ADCY7: variants seen among roughly 807,000 people sequenced by gnomAD.
ADCY7 encodes the protein adenylate cyclase type 7.
ADCY7 carries 72 observed loss-of-function variants against 120.6 expected under a neutral mutation model. The observed-to-expected ratio is 0.60, with a 90% CI of 0.49 to 0.73. The LOEUF is 0.73. Among genes scored for constraint, ADCY7 ranks in the 30% least tolerant of loss-of-function variants. The pLI is 0.00. For missense variants in ADCY7, 1,227 were observed against 1,486.0 expected (o/e 0.83, Z 2.87); for synonymous variants, 661 against 628.0 (o/e 1.05, Z -0.78).
chr16:50,294,777 A>G, intron 7 of ADCY7, 26 bp downstream of exon 7: 1 of 1,543,734 alleles, frequency 6.5e-7, no homozygotes, highest in East Asian at 2.3e-5. Context: ...TACAATGGGC[A>G]AAGCCAGGCC....
chr16:50,308,584 G>C, intron 16 of ADCY7, 83 bp from the exon 17 acceptor site: 3 of 1,557,788 alleles, frequency 1.9e-6, no homozygotes, highest in Non-Finnish European at 2.6e-6. Context: ...TTCTCCCGAG[G>C]ATACCCCTCC....
intron 10 of ADCY7, among the ~76,000 whole-genome samples, chr16:50,302,638 C>A (rs539199514): frequency 8.2e-6 from 1 of 121,366 alleles, no homozygotes; most frequent in Non-Finnish European, 1.6e-5. Flanking sequence ...GTGTGAAGGG[C>A]GTGTTGTAGA....
intron 24 of ADCY7, chr16:50,314,639 T>C: frequency 3.8e-6 from 2 of 527,498 alleles, no homozygotes; most frequent in African/African-American, 1.9e-5. Flanking sequence ...CCAAAATTAT[T>C]GTCTGTAAAC....
In ADCY7 at chr16:50,310,635, CGA is replaced by C. The variant is rs1491528065; in HGVS notation, c.2161-48_2161-47del. The stretch of plus-strand genomic sequence containing the variant: ...TCTGTGGTATGTGCTGGGCTGGAGG[CGA>C]GAGTACGTGGTGGGGTGGCCCTGTC... On this transcript the variant is annotated intron_variant, in intron 18 of 25. Coordinates refer to ENST00000673801, the MANE Select transcript of ADCY7 (RefSeq NM_001114.5). 4.4e-6 allele frequency: 7 copies of C among 1,604,452 alleles called. No homozygotes were observed. In the South Asian group the frequency reaches 5.6e-5, roughly 13 times the overall value.
chr16:50,303,638 G>C (rs917960114), intron 10 of ADCY7, among the ~76,000 whole-genome samples: 3 of 152,182 alleles, frequency 2.0e-5, no homozygotes, highest in Non-Finnish European at 2.9e-5. Context: ...TGGCATGAGT[G>C]GGGGCGGGTA....
chr16:50,305,055 G>T (rs2035971078), intron 12 of ADCY7, 96 bp downstream of exon 12: 4 of 1,494,452 alleles, frequency 2.7e-6, no homozygotes, highest in South Asian at 1.1e-5. Context: ...GCTCCGCAAG[G>T]CCCAGCCCAG....
intron 24 of ADCY7, 65 bp downstream of exon 24, chr16:50,314,471 T>A (rs2036679840): frequency 1.7e-6 from 2 of 1,211,596 alleles, no homozygotes; most frequent in Non-Finnish European, 2.4e-6. Context: ...CCAGTCTGTG[T>A]GGCACAGCTG....
chr16:50,315,532 C>G lies in ADCY7; in HGVS notation c.*27C>G, dbSNP rs769042923. ...GGCTCCTGCTGGATTCCGAAAAGGC[C>G]GGGAAGCCAGTCTCCTTCCCTGAAG... is the stretch of plus-strand genomic sequence containing the variant. On this transcript the variant is annotated 3_prime_UTR_variant, in exon 26 of 26. Coordinates refer to ENST00000673801, the MANE Select transcript of ADCY7 (RefSeq NM_001114.5). 6.3e-7 allele frequency: 1 copy of G among 1,595,400 alleles called. No individual in the cohort carries two copies. The highest frequency in any genetic ancestry group is 8.6e-7 in the Non-Finnish European group (1 of 1,164,542).
intron 1 of ADCY7, among the ~76,000 whole-genome samples, chr16:50,276,157 G>A (rs933909482): frequency 1.3e-5 from 2 of 152,218 alleles, no homozygotes; most frequent in Non-Finnish European, 2.9e-5. Flanking sequence ...GGTTGGGTGG[G>A]ACGGCTGCTC....
intron 1 of ADCY7, among the ~76,000 whole-genome samples, chr16:50,257,682 C>G (rs2032953727): frequency 6.6e-6 from 1 of 151,318 alleles, no homozygotes; most frequent in African/African-American, 2.4e-5. Flanking sequence ...ATTCGGTGTT[C>G]AAACTTCCAA....
At chr16:50,291,334 G>C (rs1048585872) in intron 3 of ADCY7, among the ~76,000 whole-genome samples, 18 of 151,386 alleles carry the variant, frequency 1.2e-4, no homozygotes, top group African/African-American at 3.9e-4. Context: ...TGGGGATGGT[G>C]GGGCAGCTCT....
At chr16:50,254,119 G>A (rs375781663) in intron 1 of ADCY7, among the ~76,000 whole-genome samples, 9 of 152,284 alleles carry the variant, frequency 5.9e-5, no homozygotes, top group South Asian at 2.1e-4. Flanking sequence ...CGACCCCTTC[G>A]CTGTGTGAGA....
upstream of ADCY7, among the ~76,000 whole-genome samples, chr16:50,263,559 C>A (rs1319290516): frequency 6.6e-6 from 1 of 152,124 alleles, no homozygotes; most frequent in African/African-American, 2.4e-5. Flanking sequence ...GCTGTATGGC[C>A]AGTTTATCTT....
Position 50,294,646 on chromosome 16 carries a change from C to T in ADCY7, c.843C>T (p.Leu281=), listed in dbSNP as rs778934966. The change falls in exon 7 of 26, where the codon CTC becomes CTT. Residue 281 remains leucine, a synonymous_variant. Transcript: ENST00000673801. ...CACCCTGCCCCATCCCCAGCATCCTCTATGCGGACATCGTGGGCTTCACGC... is the reference window on the plus strand; with the variant it reads ...CACCCTGCCCCATCCCCAGCATCCTTTATGCGGACATCGTGGGCTTCACGC... ...YVKRHQNVSI[L]YADIVGFTQL... The T allele has an allele frequency of 7.0e-6, 11 of 1,578,670 alleles. No individual in the cohort carries two copies. The South Asian group carries it at 1.2e-4, about 18-fold the overall frequency.
At chr16:50,286,027 C>T (rs2034558907) in intron 1 of ADCY7, among the ~76,000 whole-genome samples, 1 of 152,108 alleles carries the variant, frequency 6.6e-6, no homozygotes, top group Admixed American at 6.5e-5. Flanking sequence ...CTGTGTCCCT[C>T]TCTGAGACTC....
Position 50,288,203 on chromosome 16 carries a change from C to T in ADCY7, c.24C>T (p.Phe8=). The T allele has an allele frequency of 6.4e-7, 1 of 1,550,912 alleles. No homozygotes were observed. The highest frequency in any genetic ancestry group is 8.7e-7 in the Non-Finnish European group (1 of 1,146,696). MPAKGRY[F]LNEGEEGPDQ... Reference sequence around the variant, plus strand: ...GGATGCCAGCCAAGGGGCGCTACTTCCTCAACGAGGGCGAGGAGGGCCCTG... The same window carrying T: ...GGATGCCAGCCAAGGGGCGCTACTTTCTCAACGAGGGCGAGGAGGGCCCTG... The change falls in exon 2 of 26, where the codon TTC becomes TTT. Residue 8 remains phenylalanine, a synonymous_variant. Transcript: ENST00000673801.
intron 6 of ADCY7, among the ~76,000 whole-genome samples, chr16:50,294,087 G>A (rs2035182848): frequency 6.6e-6 from 1 of 152,200 alleles, no homozygotes; most frequent in African/African-American, 2.4e-5. Context: ...GCTGTGGATG[G>A]TCCATGAGCT....
At chr16:50,259,838 C>G (rs186529629) in intron 1 of ADCY7, among the ~76,000 whole-genome samples, 3 of 152,208 alleles carry the variant, frequency 2.0e-5, no homozygotes, top group Non-Finnish European at 4.4e-5. Context: ...CTAGTGGACC[C>G]GGGCATTTTC....
intron 4 of ADCY7, 98 bp downstream of exon 4, chr16:50,291,995 G>T: frequency 7.4e-7 from 1 of 1,359,734 alleles, no homozygotes; most frequent in Non-Finnish European, 9.9e-7. Context: ...CGAAGGCCCC[G>T]GAGCCGTGTT....
Sources: gnomAD v4.1 joint callset for allele counts (sites outside exome capture counted in the v4.1 genomes callset) on GRCh38, gnomAD v4.1.1 for gene constraint, MANE v1.5 for transcripts, NCBI Gene and HGNC (gene_info 2026-07-23, HGNC 2026-07-21) for gene names.